Variants in PTPRT observed in about 807,000 individuals in gnomAD.
The protein encoded by PTPRT is protein tyrosine phosphatase receptor type T.
PTPRT carries 56 observed loss-of-function variants against 176.8 expected under a neutral mutation model. The observed-to-expected ratio is 0.32, with a 90% CI of 0.26 to 0.40. The LOEUF is 0.40. Among genes scored for constraint, PTPRT ranks in the 10% least tolerant of loss-of-function variants. The pLI, the probability that PTPRT is intolerant of heterozygous loss-of-function variation, is 1.00. For missense variants in PTPRT, 1,540 were observed against 1,908.2 expected (o/e 0.81, Z 3.60); for synonymous variants, 783 against 739.0 (o/e 1.06, Z -0.96).
At chr20:42,725,749 G>A (rs1316937853) in intron 6 of PTPRT, among the ~76,000 whole-genome samples, 1 of 152,022 alleles carries the variant, frequency 6.6e-6, no homozygotes, top group Non-Finnish European at 1.5e-5. Context: ...CATTGTGGGA[G>A]ACAGTGTTGC....
intron 6 of PTPRT, among the ~76,000 whole-genome samples, chr20:42,683,649 A>G (rs1024650294): frequency 5.3e-5 from 8 of 152,242 alleles, no homozygotes; most frequent in African/African-American, 1.9e-4. Context: ...ACTTTCGTGT[A>G]GCACAGGGCT....
intron 7 of PTPRT, among the ~76,000 whole-genome samples, chr20:42,655,166 G>GA (rs138161565): frequency 0.17 from 25,162 of 152,110 alleles, 2,478 homozygotes; most frequent in East Asian, 0.3. Flanking sequence ...TACTGGAAAA[G>GA]AAAAAATAGT....
intron 7 of PTPRT, among the ~76,000 whole-genome samples, chr20:42,579,283 C>T (rs1460294164): frequency 6.6e-6 from 1 of 152,010 alleles, no homozygotes; most frequent in African/African-American, 2.4e-5. Flanking sequence ...GTATATGGGC[C>T]ACATTTTCTT....
intron 2 of PTPRT, among the ~76,000 whole-genome samples, chr20:42,829,698 T>C (rs559267524): frequency 2.0e-5 from 3 of 152,178 alleles, no homozygotes; most frequent in Admixed American, 1.3e-4. Context: ...GTTAATAAAA[T>C]AGACTAATAA....
chr20:43,176,754 A>G (rs939167375), intron 1 of PTPRT, among the ~76,000 whole-genome samples: 1 of 152,222 alleles, frequency 6.6e-6, no homozygotes, highest in Non-Finnish European at 1.5e-5. Flanking sequence ...ACTTTGGTTC[A>G]TGTACCAGAA....
intron 1 of PTPRT, among the ~76,000 whole-genome samples, chr20:43,107,430 G>T (rs190859293): frequency 6.6e-6 from 1 of 152,200 alleles, no homozygotes; most frequent in Non-Finnish European, 1.5e-5. Context: ...AATACAACTT[G>T]AAGAGTTTCA....
At chr20:42,102,406 G>T in intron 25 of PTPRT, 109 bp from the exon 26 acceptor site, 1 of 1,183,430 alleles carries the variant, frequency 8.5e-7, no homozygotes, top group Non-Finnish European at 1.2e-6. Flanking sequence ...CACCCTCTAA[G>T]CGCAGCCCCA....
At chr20:42,571,155 C>T (rs141393235) in intron 7 of PTPRT, among the ~76,000 whole-genome samples, 3 of 152,296 alleles carry the variant, frequency 2.0e-5, no homozygotes, top group East Asian at 1.9e-4. Context: ...AAAAGTATTA[C>T]GCTTTGCATA....
At chr20:42,849,759 T>C (rs1235200625) in intron 2 of PTPRT, among the ~76,000 whole-genome samples, 1 of 152,182 alleles carries the variant, frequency 6.6e-6, no homozygotes, top group Non-Finnish European at 1.5e-5. Flanking sequence ...CATGAGACGA[T>C]GTGTGTGAAT....
chr20:43,058,530 G>A (rs1987330538), intron 1 of PTPRT, among the ~76,000 whole-genome samples: 6 of 152,194 alleles, frequency 3.9e-5, no homozygotes, highest in Admixed American at 2.6e-4. Flanking sequence ...TTTTAACACG[G>A]CCCCACACCA....
At chr20:42,669,407 C>T (rs1270798765) in intron 7 of PTPRT, among the ~76,000 whole-genome samples, 2 of 152,096 alleles carry the variant, frequency 1.3e-5, no homozygotes, top group African/African-American at 4.8e-5. Flanking sequence ...GATAGTGAGT[C>T]CATTTTCATT....
intron 1 of PTPRT, among the ~76,000 whole-genome samples, chr20:43,004,694 C>A (rs1278282233): frequency 6.6e-6 from 1 of 152,140 alleles, no homozygotes; most frequent in Non-Finnish European, 1.5e-5. Flanking sequence ...GTGAAAAGAA[C>A]CTTCGTGTCC....
At chr20:42,347,896 C>A (rs1457735569) in intron 11 of PTPRT, among the ~76,000 whole-genome samples, 1 of 152,092 alleles carries the variant, frequency 6.6e-6, no homozygotes, top group Non-Finnish European at 1.5e-5. Context: ...TTGCTAATTT[C>A]ATGATTTTGT....
rs2058735028 is a variant in PTPRT at position 42,385,362 on chromosome 20, GA to G, written c.1561-33078del. 5.3e-5 allele frequency among the ~76,000 whole-genome samples: 8 copies of G among 152,256 alleles called. No homozygotes were observed. The South Asian group carries it at 1.7e-3, about 32-fold the overall frequency. The stretch of plus-strand genomic sequence containing the variant: ...AAGTGAAATAAGCAAGTCATAGAAG[GA>G]CAAATACTGCATGATTCCACTTATA... On this transcript the variant is annotated intron_variant, in intron 9 of 30. Transcript: ENST00000373187.
intron 17 of PTPRT, among the ~76,000 whole-genome samples, chr20:42,149,018 C>T (rs918651318): frequency 1.3e-5 from 2 of 152,222 alleles, no homozygotes; most frequent in Non-Finnish European, 2.9e-5. Context: ...CTAACATCCT[C>T]TTCCTGAAAT....
chr20:42,289,345 C>T (rs1281212122), intron 12 of PTPRT, among the ~76,000 whole-genome samples: 1 of 152,016 alleles, frequency 6.6e-6, no homozygotes, highest in African/African-American at 2.4e-5. Flanking sequence ...ACAGAGTAAA[C>T]CTACAGAATA....
At chr20:43,034,860 AG>A (rs1164265158) in intron 1 of PTPRT, among the ~76,000 whole-genome samples, 1 of 151,842 alleles carries the variant, frequency 6.6e-6, no homozygotes, top group Admixed American at 6.6e-5. Flanking sequence ...CTTGCTGGAG[AG>A]GGGGGTCCCT....
At chr20:43,154,277 G>A (rs139969309) in intron 1 of PTPRT, among the ~76,000 whole-genome samples, 15 of 152,154 alleles carry the variant, frequency 9.9e-5, no homozygotes, top group African/African-American at 3.6e-4. Flanking sequence ...TGGCAAGACT[G>A]TCCTTTCCCC....
intron 13 of PTPRT, among the ~76,000 whole-genome samples, chr20:42,249,609 AG>A (rs1448337799): frequency 6.6e-6 from 1 of 152,222 alleles, no homozygotes; most frequent in Non-Finnish European, 1.5e-5. Context: ...GAGAAAACCA[AG>A]GGAAGTTGCT....
Sources: gnomAD v4.1 joint callset for allele counts (sites outside exome capture counted in the v4.1 genomes callset) on GRCh38, gnomAD v4.1.1 for gene constraint, MANE v1.5 for transcripts, NCBI Gene and HGNC (gene_info 2026-07-23, HGNC 2026-07-21) for gene names.